TNPO2: variants seen among roughly 807,000 people sequenced by gnomAD.
TNPO2 encodes the protein transportin 2.
A neutral mutation model predicts 111.1 loss-of-function variants in TNPO2; 16 were observed. The ratio of observed to expected loss-of-function variants is 0.14; its 90% CI spans 0.10 to 0.22. TNPO2 has a LOEUF of 0.22. TNPO2 is among the 10% of genes least tolerant of loss of function. TNPO2 has a pLI of 1.00. For missense variants in TNPO2, 530 were observed against 1,173.7 expected (o/e 0.45, Z 8.01); for synonymous variants, 481 against 475.8 (o/e 1.01, Z -0.14).
At chr19:12,711,711 G>T in intron 10 of TNPO2, 98 bp from the exon 11 acceptor site, 2 of 1,006,482 alleles carry the variant, frequency 2.0e-6, no homozygotes, top group South Asian at 1.4e-5. Context: ...CCAACAGAGT[G>T]ACCAGCCCCC....
chr19:12,705,219 C>G lies in TNPO2; in HGVS notation c.2022+21G>C. On this transcript the variant is annotated intron_variant, in intron 18 of 25. Transcript: ENST00000425528. The surrounding 1 kb of genome is among the most constrained non-coding windows in gnomAD (Gnocchi z 7.2). ...CCACGCAGGCTGCTGGGTGTCATCA[C>G]TGTCCAGGGTCCCCACCCACCTGCA... The G allele has an allele frequency of 6.3e-7, 1 of 1,592,690 alleles. No individual in the cohort carries two copies. Among genetic ancestry groups the G allele is most frequent in the Non-Finnish European group, 8.5e-7 (1 of 1,170,188 alleles).
chr19:12,711,653 T>G lies in TNPO2; in HGVS notation c.891-40A>C, dbSNP rs1237866584. 3.8e-6 allele frequency: 6 copies of G among 1,589,298 alleles called. No homozygotes were observed. The Admixed American group carries it at 1.1e-4, about 28-fold the overall frequency. ...ACTGTTTATGGGGATGCAGGGGCCG[T>G]GGCAAAAGTTGGGGGGAGGCACAGC... is the stretch of plus-strand genomic sequence containing the variant. On this transcript the variant is annotated intron_variant, in intron 10 of 25. Transcript: ENST00000425528.
In TNPO2 at chr19:12,702,788, C is replaced by T; in HGVS notation, c.2305+35G>A. The T allele has an allele frequency of 1.9e-6, 3 of 1,587,794 alleles. No individual in the cohort carries two copies. Among genetic ancestry groups the T allele is most frequent in the Non-Finnish European group, 2.6e-6 (3 of 1,156,654 alleles). On this transcript the variant is annotated intron_variant, in intron 21 of 25. Transcript: ENST00000425528. The surrounding 1 kb of genome is among the most constrained non-coding windows in gnomAD (Gnocchi z 5.5). ...CAGAACCCCACCTCCAGAAGGCAGG[C>T]AGGGGTGCAGGCAGCAGCCGGGCCA... is the stretch of plus-strand genomic sequence containing the variant.
chr19:12,701,967 A>T lies in TNPO2; in HGVS notation c.2411+105T>A. On this transcript the variant is annotated intron_variant, in intron 22 of 25. Coordinates refer to ENST00000425528, the MANE Select transcript of TNPO2 (RefSeq NM_001382241.1). The surrounding 1 kb of genome is among the most constrained non-coding windows in gnomAD (Gnocchi z 5.0). ...GGACATGCATCTGTGGGGGTGGGGC[A>T]GGGCAGGGAGTCAGTAGGCAGATGG... is the stretch of plus-strand genomic sequence containing the variant. 7.2e-7 allele frequency: 1 copy of T among 1,380,780 alleles called. No homozygotes were observed. Among genetic ancestry groups the T allele is most frequent in the Non-Finnish European group, 1.0e-6 (1 of 970,720 alleles). 85.5% of individuals were successfully genotyped at this position (1,380,780 alleles called of 1,614,324 possible). A position where few individuals can be genotyped will look rare whatever the true frequency, so the allele number is the denominator to read the frequency against.
Position 12,706,620 on chromosome 19 carries a change from C to G in TNPO2, c.1446G>C (p.Leu482=). 6.2e-7 allele frequency: 1 copy of G among 1,614,032 alleles called. No homozygotes were observed. Among genetic ancestry groups the G allele is most frequent in the Non-Finnish European group, 8.5e-7 (1 of 1,179,932 alleles). The part of the protein sequence containing the change: ...DMHLKPLMTE[L]LKRILDGNKR... ...TGTTGCCATCCAGGATGCGTTTGAGCAGCTCTGTCATCAGGGGCTTGAGGT... is the reference window on the plus strand; with the variant it reads ...TGTTGCCATCCAGGATGCGTTTGAGGAGCTCTGTCATCAGGGGCTTGAGGT... Residue 482 remains leucine, a synonymous_variant, in exon 14 of 26, where the codon CTG becomes CTC. Transcript: ENST00000425528. This position sits in a 1 kb window ranked among gnomAD's most constrained non-coding sequence, Gnocchi z 7.0.
chr19:12,719,318 G>A lies in TNPO2; in HGVS notation c.118C>T (p.Gln40Ter). The A allele has an allele frequency of 6.2e-7, 1 of 1,613,964 alleles. No homozygotes were observed. The change falls in exon 4 of 26, where the codon CAG (glutamine) becomes TAG (stop). Residue 40 changes from glutamine (Q) to a stop codon, truncating the protein, a stop_gained. Coordinates refer to ENST00000425528, the MANE Select transcript of TNPO2 (RefSeq NM_001382241.1). LOFTEE classifies it high-confidence loss of function. The surrounding 1 kb of genome is among the most constrained non-coding windows in gnomAD (Gnocchi z 5.0). ...IVQDKLKQLNQFPDFNNYLIF... is the reference protein window; with the variant it reads ...IVQDKLKQLN ...AGGTAGTTGTTGAAGTCAGGAAACT[G>A]ATTGAGTTGTTTGAGTTTCTGCCAG... is the stretch of plus-strand genomic sequence containing the variant.
At chr19:12,714,723 G>A (rs182436108) in intron 10 of TNPO2, 98 bp downstream of exon 10, 2 of 930,842 alleles carry the variant, frequency 2.1e-6, no homozygotes, top group Admixed American at 4.0e-5. Flanking sequence ...TGACAAGGAT[G>A]TGGACTGAGA....
At chr19:12,720,523 G>C (rs560123900) in intron 3 of TNPO2, among the ~76,000 whole-genome samples, 1 of 152,144 alleles carries the variant, frequency 6.6e-6, no homozygotes, top group East Asian at 1.9e-4. Context: ...GTCTCCCTAT[G>C]TTGCCCAGGC....
chr19:12,720,339 C>T (rs1161796599), intron 3 of TNPO2, among the ~76,000 whole-genome samples: 1 of 152,098 alleles, frequency 6.6e-6, no homozygotes, highest in East Asian at 1.9e-4. Flanking sequence ...TTCTTTGAGA[C>T]AGGGTCTGGC....
In TNPO2 at chr19:12,719,207, G is replaced by T; in HGVS notation, c.176-29C>A. On this transcript the variant is annotated intron_variant, in intron 4 of 25. Coordinates refer to ENST00000425528, the MANE Select transcript of TNPO2 (RefSeq NM_001382241.1). The surrounding 1 kb of genome is among the most constrained non-coding windows in gnomAD (Gnocchi z 5.0). ...GGAGGAGGAAGGCTGAGGTTCAGGG[G>T]CCCAGGGGGAGAAAGCAGGGTCCCG... 1.2e-6 allele frequency: 2 copies of T among 1,613,884 alleles called. No individual in the cohort carries two copies. Among genetic ancestry groups the T allele is most frequent in the Non-Finnish European group, 1.7e-6 (2 of 1,179,768 alleles).
At position 12,715,305 on chromosome 19, in the gene TNPO2, C is replaced by T. The variant is rs1350256045; in HGVS notation, c.586G>A (p.Val196Met). Residue 196 changes from valine to methionine, a missense_variant, in exon 8 of 26, where the codon GTG becomes ATG. Physicochemically the swap from Val to Met is conservative, Grantham distance 21. Around this residue, in one of 4 missense-constraint regions of TNPO2, gnomAD observed 156 missense variants for 405.8 expected, o/e 0.38. Coordinates refer to ENST00000425528, the MANE Select transcript of TNPO2 (RefSeq NM_001382241.1). The surrounding 1 kb of genome is among the most constrained non-coding windows in gnomAD (Gnocchi z 7.1). ...GCCCGGTCCATGATGAACTGGTTCA[C>T]GCAGGCGATGGCGTGGGACCTGGCG... ...PKIRSHAIAC[V>M]NQFIMDRAQA... 1.2e-6 allele frequency: 2 copies of T among 1,613,698 alleles called. No individual in the cohort carries two copies. The highest frequency in any genetic ancestry group is 1.7e-6 in the Non-Finnish European group (2 of 1,179,786).
chr19:12,706,876 C>T lies in TNPO2; in HGVS notation c.1271-81G>A, dbSNP rs1333690946. On this transcript the variant is annotated intron_variant, in intron 13 of 25. Transcript: ENST00000425528. This position sits in a 1 kb window ranked among gnomAD's most constrained non-coding sequence, Gnocchi z 7.0. The stretch of plus-strand genomic sequence containing the variant: ...CGTATGGAGAGAAGAGTCAGCCGCA[C>T]ACAACATATAGGGAAACTGAGGCTT... The T allele has an allele frequency of 8.5e-7, 1 of 1,180,420 alleles. No homozygotes were observed. The allele number at this position is 1,180,420 out of a possible 1,614,324, so 73.1% of individuals were successfully genotyped here.
At chr19:12,708,122 A>AT (rs1280410844) in intron 13 of TNPO2, among the ~76,000 whole-genome samples, 9 of 149,482 alleles carry the variant, frequency 6.0e-5, no homozygotes, top group Admixed American at 2.0e-4. Context: ...GTGCCCAGCC[A>AT]TTTTTAACAA....
Position 12,715,775 on chromosome 19 carries a change from G to T in TNPO2, c.326-36C>A, listed in dbSNP as rs376442010. The T allele has an allele frequency of 6.5e-7, 1 of 1,550,096 alleles. No homozygotes were observed. The highest frequency in any genetic ancestry group is 1.4e-5 in the African/African-American group (1 of 73,644). On this transcript the variant is annotated intron_variant, in intron 5 of 25. Transcript: ENST00000425528. The surrounding 1 kb of genome is among the most constrained non-coding windows in gnomAD (Gnocchi z 7.1). ...CGGGAAAGGACGCTGCCTGAGGCTG[G>T]GCAGGGGCTGCCTAGCACCTCCCCC... is the stretch of plus-strand genomic sequence containing the variant.
At position 12,700,777 on chromosome 19, in the gene TNPO2, C is replaced by T. The variant is rs2025245695; in HGVS notation, c.*487G>A. 1 of 154,000 alleles carries T rather than the reference C, an allele frequency of 6.5e-6. No homozygotes were observed. The highest frequency in any genetic ancestry group is 1.4e-5 in the Non-Finnish European group (1 of 69,138). The allele number at this position is 154,000 out of a possible 1,614,324, so 9.5% of individuals were successfully genotyped here. On this transcript the variant is annotated 3_prime_UTR_variant, in exon 26 of 26. Transcript: ENST00000425528. ...CAGGGGTTCACTAATTCTACTGTCTCCATGCAGTCGGGGAAATGGTGGAGC... is the reference window on the plus strand; with the variant it reads ...CAGGGGTTCACTAATTCTACTGTCTTCATGCAGTCGGGGAAATGGTGGAGC...
Position 12,702,257 on chromosome 19 carries a change from A to G in TNPO2, c.2306-80T>C. 1 of 1,283,378 alleles carries G rather than the reference A, an allele frequency of 7.8e-7. No individual in the cohort carries two copies. Among genetic ancestry groups the G allele is most frequent in the East Asian group, 2.5e-5 (1 of 40,204 alleles). 79.5% of individuals were successfully genotyped at this position (1,283,378 alleles called of 1,614,324 possible). The stretch of plus-strand genomic sequence containing the variant: ...ACCAAGCCCCGCCCCATGAGCCCCA[A>G]GGGAATGGCTACTGCAGCCACCCTG... On this transcript the variant is annotated intron_variant, in intron 21 of 25. Coordinates refer to ENST00000425528, the MANE Select transcript of TNPO2 (RefSeq NM_001382241.1). The surrounding 1 kb of genome is among the most constrained non-coding windows in gnomAD (Gnocchi z 5.5).
At chr19:12,714,290 G>T (rs1456891990) in intron 10 of TNPO2, among the ~76,000 whole-genome samples, 1 of 151,588 alleles carries the variant, frequency 6.6e-6, no homozygotes, top group East Asian at 1.9e-4. Context: ...CCATACCCCT[G>T]AAGCCTTTGT....
In TNPO2 at chr19:12,721,429, GCA is replaced by G. The variant is rs1213106745; in HGVS notation, c.-13-441_-13-440del. ...GGCCCCCGTGGTCTCTTCTATGCAG[GCA>G]CAGTCCCTGAAGAGTCCCCTTCCCC... On this transcript the variant is annotated intron_variant, in intron 2 of 25. Transcript: ENST00000425528. The surrounding 1 kb of genome is among the most constrained non-coding windows in gnomAD (Gnocchi z 4.9). 2 of 601,978 alleles carry G rather than the reference GCA, an allele frequency of 3.3e-6. No individual in the cohort carries two copies. Among genetic ancestry groups the G allele is most frequent in the Non-Finnish European group, 5.5e-6 (2 of 365,830 alleles). The allele number at this position is 601,978 out of a possible 1,614,324, so 37.3% of individuals were successfully genotyped here.
At position 12,703,413 on chromosome 19, in the gene TNPO2, TTGCAGG is replaced by T; in HGVS notation, c.2209+9_2209+14del. 1 of 1,612,140 alleles carries T rather than the reference TTGCAGG, an allele frequency of 6.2e-7. No individual in the cohort carries two copies. Among genetic ancestry groups the T allele is most frequent in the South Asian group, 1.1e-5 (1 of 91,018 alleles). ...GCTAATGGGGGGCGCGTGTTGCCAC[TTGCAGG>T]GCACTCACCCATCTGCATGCAGATT... On this transcript the variant is annotated intron_variant, in intron 20 of 25. Transcript: ENST00000425528.
Sources: allele counts gnomAD v4.1 joint callset (sites outside exome capture counted in the v4.1 genomes callset), GRCh38; gene constraint gnomAD v4.1.1; regional missense constraint gnomAD v4.1.1; non-coding constraint Gnocchi (gnomAD v3.1); transcripts MANE v1.5; gene names NCBI Gene and HGNC (gene_info 2026-07-23, HGNC 2026-07-21).